The following ATP10A variants were observed in gnomAD, a reference collection of about 807,000 sequenced individuals.
ATP10A encodes the protein phospholipid-transporting ATPase VA.
ATP10A carries 111 observed loss-of-function variants against 147.8 expected under a neutral mutation model. The observed-to-expected ratio is 0.75, with a 90% CI of 0.64 to 0.88. ATP10A has a LOEUF of 0.88. Ranked by LOEUF, ATP10A falls within the 40% of genes least tolerant of loss-of-function variation. ATP10A has a pLI of 0.00. For synonymous variants in ATP10A, 875 were observed against 841.6 expected, an observed-to-expected ratio of 1.04 and a Z score of -0.69; for missense variants, 1,927 against 1,959.0, an observed-to-expected ratio of 0.98 and a Z score of 0.31.
At chr15:25,788,341 A>G (rs2140735044) in intron 1 of ATP10A, among the ~76,000 whole-genome samples, 1 of 152,372 alleles carries the variant, frequency 6.6e-6, no homozygotes, top group Admixed American at 6.5e-5. Context: ...CCAGCCCAGA[A>G]GCCTGGACTC....
chr15:25,695,947 A>C (rs1900313340), intron 13 of ATP10A, among the ~76,000 whole-genome samples: 1 of 151,952 alleles, frequency 6.6e-6, no homozygotes, highest in South Asian at 2.1e-4. Flanking sequence ...AAAAAAAAGC[A>C]CAATTACGGA....
chr15:25,858,320 G>T (rs1347309293), intron 1 of ATP10A, among the ~76,000 whole-genome samples: 1 of 152,220 alleles, frequency 6.6e-6, no homozygotes, highest in African/African-American at 2.4e-5. Context: ...GGAAAGATGT[G>T]TTGACTGCTG....
At chr15:25,811,527 C>T (rs939932373) in intron 1 of ATP10A, among the ~76,000 whole-genome samples, 1 of 152,184 alleles carries the variant, frequency 6.6e-6, no homozygotes, top group Admixed American at 6.5e-5. Context: ...TCCCGGCTTT[C>T]TGTGGATGGG....
intron 12 of ATP10A, among the ~76,000 whole-genome samples, chr15:25,707,477 C>CG (rs1400075958): frequency 1.3e-4 from 20 of 152,094 alleles, no homozygotes; most frequent in African/African-American, 4.6e-4. Context: ...ATAATAAATA[C>CG]CTTCATTTAT....
downstream of ATP10A, among the ~76,000 whole-genome samples, chr15:25,675,123 T>G (rs898645232): frequency 2.6e-5 from 4 of 152,194 alleles, no homozygotes; most frequent in Admixed American, 2.6e-4. Context: ...CCCGGCAAAG[T>G]TGGAGGCACA....
Position 25,723,896 on chromosome 15 carries a change from G to A in ATP10A, c.1105C>T (p.Leu369=). The A allele has an allele frequency of 6.2e-7, 1 of 1,601,162 alleles. No homozygotes were observed. Among genetic ancestry groups the A allele is most frequent in the South Asian group, 1.1e-5 (1 of 87,682 alleles). ...VYSFLTMIIV[L]QVLIPISLYV... is the part of the protein sequence containing the mutation. The stretch of plus-strand genomic sequence containing the variant: ...ACGATACTTAGTATTGTTACCTGCA[G>A]AACTATTATCATTGTTAAAAATGAG... The change falls in exon 6 of 21, where the codon CTG becomes TTG. Residue 369 remains leucine (L), a synonymous_variant. Coordinates refer to ENST00000555815, the MANE Select transcript of ATP10A (RefSeq NM_024490.4).
At chr15:25,806,293 G>A (rs1891176413) in intron 1 of ATP10A, among the ~76,000 whole-genome samples, 1 of 152,002 alleles carries the variant, frequency 6.6e-6, no homozygotes, top group Admixed American at 6.6e-5. Context: ...CATAGTAAAT[G>A]TATTTCCTCT....
intron 2 of ATP10A, among the ~76,000 whole-genome samples, chr15:25,754,807 C>T (rs61998602): frequency 0.11 from 16,204 of 152,088 alleles, 1,096 homozygotes; most frequent in East Asian, 0.26. Flanking sequence ...TTACAGCAGC[C>T]ATTATGTAAA....
At chr15:25,829,134 T>C (rs952868362) in intron 1 of ATP10A, among the ~76,000 whole-genome samples, 1 of 152,172 alleles carries the variant, frequency 6.6e-6, no homozygotes, top group African/African-American at 2.4e-5. Context: ...TTTCTGGTAA[T>C]AACACAAGTG....
intron 1 of ATP10A, among the ~76,000 whole-genome samples, chr15:25,811,590 G>T (rs1344188107): frequency 6.6e-6 from 1 of 152,140 alleles, no homozygotes; most frequent in East Asian, 1.9e-4. Flanking sequence ...CTACTATTTG[G>T]TAAGTGTTTG....
chr15:25,787,846 G>C (rs939633322), intron 1 of ATP10A, among the ~76,000 whole-genome samples: 1 of 152,018 alleles, frequency 6.6e-6, no homozygotes, highest in Non-Finnish European at 1.5e-5. Context: ...CCCTACATCG[G>C]CCTGCATAGA....
chr15:25,784,668 T>G (rs1484853797), intron 1 of ATP10A, among the ~76,000 whole-genome samples: 1 of 152,156 alleles, frequency 6.6e-6, no homozygotes, highest in East Asian at 1.9e-4. Flanking sequence ...CTCACGCCTG[T>G]AATCCCAGCA....
intron 1 of ATP10A, among the ~76,000 whole-genome samples, chr15:25,795,078 T>G (rs1890607712): frequency 6.6e-6 from 1 of 152,202 alleles, no homozygotes; most frequent in Non-Finnish European, 1.5e-5. Flanking sequence ...GGTTCTCTCC[T>G]ATCTTTATTT....
intron 2 of ATP10A, among the ~76,000 whole-genome samples, chr15:25,780,146 G>GC (rs1216158210): frequency 6.6e-6 from 1 of 152,268 alleles, no homozygotes; most frequent in Non-Finnish European, 1.5e-5. Flanking sequence ...AGAGCCCACT[G>GC]CCCCAGGGAA....
chr15:25,716,757 G>C lies in ATP10A; in HGVS notation c.1749C>G (p.Val583=), dbSNP rs762801127. ...TTGTTCGTGGCTGATCCGGGGACGT[G>C]ACGACGACTGTGTTGCAGATGGTGA... ...IALTICNTVV[V]TSPDQPRTKV... is the part of the protein sequence containing the mutation. The change falls in exon 9 of 21, where the codon GTC becomes GTG. Residue 583 remains valine (V), a synonymous_variant. Coordinates refer to ENST00000555815, the MANE Select transcript of ATP10A (RefSeq NM_024490.4). 2 of 1,598,750 alleles carry C rather than the reference G, an allele frequency of 1.3e-6. No individual in the cohort carries two copies. Among genetic ancestry groups the C allele is most frequent in the Admixed American group, 1.7e-5 (1 of 58,058 alleles).
At chr15:25,813,850 C>CT (rs55832964) in intron 1 of ATP10A, among the ~76,000 whole-genome samples, 65,566 of 149,206 alleles carry the variant, frequency 0.44, 16,316 homozygotes, top group East Asian at 0.74. Context: ...ATGAAACAGA[C>CT]TTTTTTTTTT....
intron 2 of ATP10A, among the ~76,000 whole-genome samples, chr15:25,738,021 C>T (rs1269871467): frequency 6.6e-6 from 1 of 152,206 alleles, no homozygotes; most frequent in Non-Finnish European, 1.5e-5. Context: ...AATGAGGCCC[C>T]AGTAAACGAA....
In ATP10A at chr15:25,811,940, A is replaced by G. The variant is rs371629151; in HGVS notation, c.450-30717T>C. 1.4e-4 allele frequency among the ~76,000 whole-genome samples: 22 copies of G among 152,330 alleles called. No homozygotes were observed. In the East Asian group the frequency reaches 3.3e-3, roughly 23 times the overall value. ...AGAGGAAACCGAGGCACACGGCTGG[A>G]AGCTGCCAGTGGGCAAAGCGCTCCA... On this transcript the variant is annotated intron_variant, in intron 1 of 20. Coordinates refer to ENST00000555815, the MANE Select transcript of ATP10A (RefSeq NM_024490.4).
At chr15:25,723,699 T>G (rs1902382436) in intron 6 of ATP10A, among the ~76,000 whole-genome samples, 192 bp downstream of exon 6, 1 of 152,016 alleles carries the variant, frequency 6.6e-6, no homozygotes, top group Non-Finnish European at 1.5e-5. Context: ...AAGGAGAATT[T>G]TAACTTAAAA....
Sources: allele counts gnomAD v4.1 joint callset (sites outside exome capture counted in the v4.1 genomes callset), GRCh38; gene constraint gnomAD v4.1.1; transcripts MANE v1.5; gene names NCBI Gene and HGNC (gene_info 2026-07-23, HGNC 2026-07-21).